Variants in SLC38A11 observed in about 807,000 individuals in gnomAD.
SLC38A11 encodes the protein solute carrier family 38 member 11.
A neutral mutation model predicts 49.4 loss-of-function variants in SLC38A11; 51 were observed. The observed-to-expected ratio is 1.03, with a 90% CI of 0.83 to 1.30. The LOEUF (loss-of-function observed/expected upper bound fraction) is 1.30, where lower values mean the gene tolerates loss of function less well. Among genes scored for constraint, SLC38A11 ranks in the 50% most tolerant of loss-of-function variants. The pLI, the probability that SLC38A11 is intolerant of heterozygous loss-of-function variation, is 0.00. For missense variants in SLC38A11, 574 were observed against 556.2 expected (o/e 1.03, Z -0.32); for synonymous variants, 203 against 192.9 (o/e 1.05, Z -0.43).
intron 9 of SLC38A11, among the ~76,000 whole-genome samples, chr2:164,913,423 A>T (rs1441533402): frequency 6.6e-6 from 1 of 152,104 alleles, no homozygotes; most frequent in African/African-American, 2.4e-5. Context: ...GCTGAAATTT[A>T]TCTACTGAAA....
At chr2:164,940,306 G>T (rs927884743) in intron 5 of SLC38A11, among the ~76,000 whole-genome samples, 1 of 149,074 alleles carries the variant, frequency 6.7e-6, no homozygotes, top group Non-Finnish European at 1.5e-5. Flanking sequence ...ATAAACAGAA[G>T]TTTTAAACAT....
At position 164,898,557 on chromosome 2, in the gene SLC38A11, G is replaced by A; in HGVS notation, c.1269C>T (p.Cys423=). 6.2e-7 allele frequency: 1 copy of A among 1,613,622 alleles called. No individual in the cohort carries two copies. Among genetic ancestry groups the A allele is most frequent in the Non-Finnish European group, 8.5e-7 (1 of 1,179,748 alleles). Residue 423 remains cysteine, a synonymous_variant, in exon 12 of 12, where the codon TGC becomes TGT. Coordinates refer to ENST00000685975, the MANE Select transcript of SLC38A11 (RefSeq NM_001351537.2). ...AGTAGAACATTTCCTGCCCATGGGTGCAGTCTTGAGTATTTGTAATAGCCA... is the reference window on the plus strand; with the variant it reads ...AGTAGAACATTTCCTGCCCATGGGTACAGTCTTGAGTATTTGTAATAGCCA... ...FVMAITNTQD[C]THGQEMFYCF... is the part of the protein sequence containing the mutation.
intron 11 of SLC38A11, among the ~76,000 whole-genome samples, chr2:164,904,229 T>C (rs1018032550): frequency 3.3e-5 from 5 of 152,130 alleles, no homozygotes; most frequent in Non-Finnish European, 7.4e-5. Context: ...TAGAAACCCA[T>C]AGGGCCCAAT....
chr2:164,902,244 C>T (rs565702820), intron 11 of SLC38A11, among the ~76,000 whole-genome samples: 1 of 152,124 alleles, frequency 6.6e-6, no homozygotes, highest in African/African-American at 2.4e-5. Flanking sequence ...TGGTCTCAAA[C>T]TCCTGAGCTC....
chr2:164,905,712 C>G (rs1362373063), intron 11 of SLC38A11, among the ~76,000 whole-genome samples: 1 of 152,012 alleles, frequency 6.6e-6, no homozygotes, highest in Non-Finnish European at 1.5e-5. Context: ...GCATAATTGT[C>G]TTGGGCTATT....
At chr2:164,938,102 A>T (rs936070340) in intron 6 of SLC38A11, among the ~76,000 whole-genome samples, 1 of 152,148 alleles carries the variant, frequency 6.6e-6, no homozygotes, top group Non-Finnish European at 1.5e-5. Context: ...TAATTTTTTT[A>T]AATGAAAAAG....
At chr2:164,947,343 G>C (rs1187585244) in intron 3 of SLC38A11, among the ~76,000 whole-genome samples, 1 of 151,938 alleles carries the variant, frequency 6.6e-6, no homozygotes, top group Non-Finnish European at 1.5e-5. Flanking sequence ...CGTTGGCCAA[G>C]ATGGTCTCGA....
chr2:164,910,543 T>G (rs1685330051), intron 10 of SLC38A11, among the ~76,000 whole-genome samples: 1 of 152,110 alleles, frequency 6.6e-6, no homozygotes, highest in Admixed American at 6.6e-5. Flanking sequence ...GGGAGAGAAG[T>G]GCTAGTTGTA....
intron 7 of SLC38A11, among the ~76,000 whole-genome samples, chr2:164,918,370 CA>C (rs1685949103): frequency 6.6e-6 from 1 of 151,896 alleles, no homozygotes; most frequent in African/African-American, 2.4e-5. Context: ...ACCACATTAA[CA>C]GATTAATGAA....
intron 3 of SLC38A11, among the ~76,000 whole-genome samples, chr2:164,946,040 A>G (rs1003451625): frequency 1.3e-5 from 2 of 152,190 alleles, no homozygotes; most frequent in African/African-American, 4.8e-5. Context: ...GATGTAACCA[A>G]TGCAGCAAAT....
At chr2:164,928,285 A>G (rs1035140627) in intron 7 of SLC38A11, among the ~76,000 whole-genome samples, 3 of 152,212 alleles carry the variant, frequency 2.0e-5, no homozygotes, top group Non-Finnish European at 4.4e-5. Context: ...TTTTACCAGC[A>G]TGAAAGTAGC....
rs371409052 is a variant in SLC38A11 at position 164,915,957 on chromosome 2, C to T, written c.634G>A (p.Ala212Thr). Reference protein sequence around the residue: ...LGPHIPKTEDAWVFAKPNAIQ... With the variant: ...LGPHIPKTEDTWVFAKPNAIQ... ...GCATTGGGCTTTGCAAATACCCAAG[C>T]GTCTTCTGTTTTTGGTCTAGAAGAA... Residue 212 changes from alanine (A) to threonine (T), a missense_variant, in exon 8 of 12, where the codon GCT (alanine) becomes ACT (threonine). Transcript: ENST00000685975. 3 of 1,592,268 alleles carry T rather than the reference C, an allele frequency of 1.9e-6. No homozygotes were observed. The highest frequency in any genetic ancestry group is 8.6e-7 in the Non-Finnish European group (1 of 1,163,888).
rs200284770 is a variant in SLC38A11, at chr2:164,947,117, C to CTTTTTTTTTTTTTTTTTTTTTTTTTTTTT, written c.230-1419_230-1391dup. 2.7e-5 allele frequency among the ~76,000 whole-genome samples: 2 copies of CTTTTTTTTTTTTTTTTTTTTTTTTTTTTT among 72,900 alleles called. 1 individual carries two copies. The highest frequency in any genetic ancestry group is 1.5e-4 in the African/African-American group (2 of 12,972). The allele number at this position is 72,900 out of a possible 152,430, so 47.8% of individuals were successfully genotyped here. On this transcript the variant is annotated intron_variant, in intron 3 of 11. Transcript: ENST00000685975. ...CCTGGATTCTTGGACTTTTTTATCTCTTTTTTTTTTTTTTTTTTTTTTTTT... is the reference window on the plus strand; with the variant it reads ...CCTGGATTCTTGGACTTTTTTATCTCTTTTTTTTTTTTTTTTTTTTTTTTTTTTTTTTTTTTTTTTTTTTTTTTTTTTTT...
intron 7 of SLC38A11, among the ~76,000 whole-genome samples, chr2:164,926,003 C>A (rs747996484): frequency 2.6e-5 from 4 of 152,164 alleles, no homozygotes; most frequent in African/African-American, 9.7e-5. Context: ...TCACTAAGTT[C>A]TCCTGATTTT....
Position 164,917,650 on chromosome 2 carries a change from A to T in SLC38A11, c.618-1677T>A, listed in dbSNP as rs562189715. On this transcript the variant is annotated intron_variant, in intron 7 of 11. Transcript: ENST00000685975. Reference sequence around the variant, plus strand: ...AGTTGTAGAAACTTGAGGATTCTCTAACTTTGCAATATGCTTTAAATGGTA... The same window carrying T: ...AGTTGTAGAAACTTGAGGATTCTCTTACTTTGCAATATGCTTTAAATGGTA... Among the ~76,000 whole-genome samples, 209 of 152,220 alleles carry T rather than the reference A, an allele frequency of 1.4e-3. 1 individual carries two copies. The highest frequency in any genetic ancestry group is 2.3e-3 in the Non-Finnish European group (156 of 68,044).
Position 164,932,752 on chromosome 2 carries a change from AAAG to A in SLC38A11, c.617+4595_617+4597del, listed in dbSNP as rs74764791. Among the ~76,000 whole-genome samples the A allele has an allele frequency of 7.2e-3, 1,092 of 152,102 alleles. 7 individuals are homozygous for A. The highest frequency in any genetic ancestry group is 9.4e-3 in the African/African-American group (392 of 41,538). ...CCTATCAGAGGGTGGAAGTTGGGAG[AAAG>A]AAGAAGATCAGGAAAGATAACTAAT... On this transcript the variant is annotated intron_variant, in intron 7 of 11. Transcript: ENST00000685975.
Position 164,898,297 on chromosome 2 carries a change from A to T in SLC38A11, c.*140T>A. ...TCAATTTTTCTTTTCTTTATCTTTT[A>T]TATTGCACTACTCATAAAAGCCAAG... On this transcript the variant is annotated 3_prime_UTR_variant, in exon 12 of 12. Coordinates refer to ENST00000685975, the MANE Select transcript of SLC38A11 (RefSeq NM_001351537.2). The T allele has an allele frequency of 1.6e-6, 1 of 630,736 alleles. No homozygotes were observed. Among genetic ancestry groups the T allele is most frequent in the Non-Finnish European group, 2.7e-6 (1 of 369,070 alleles). The allele number at this position is 630,736 out of a possible 1,614,324, so 39.1% of individuals were successfully genotyped here.
At chr2:164,944,768 A>T (rs1687995536) in intron 4 of SLC38A11, 134 bp from the exon 5 acceptor site, 2 of 371,270 alleles carry the variant, frequency 5.4e-6, no homozygotes, top group Non-Finnish European at 5.0e-6. Flanking sequence ...TATGATTACC[A>T]GTTTGGACAA....
chr2:164,908,813 C>T lies in SLC38A11; in HGVS notation c.964-42G>A, dbSNP rs747505962. 1.8e-5 allele frequency: 28 copies of T among 1,568,876 alleles called. No individual in the cohort carries two copies. In the Admixed American group the frequency reaches 3.8e-4, roughly 21 times the overall value. The stretch of plus-strand genomic sequence containing the variant: ...TTATTTTGAGAGGGACTTTTAAAGG[C>T]ATGCAGGATTTATTGAGGGAGTATT... On this transcript the variant is annotated intron_variant, in intron 10 of 11. Coordinates refer to ENST00000685975, the MANE Select transcript of SLC38A11 (RefSeq NM_001351537.2).
Sources: gnomAD v4.1 joint callset for allele counts (sites outside exome capture counted in the v4.1 genomes callset) on GRCh38, gnomAD v4.1.1 for gene constraint, MANE v1.5 for transcripts, NCBI Gene and HGNC (gene_info 2026-07-23, HGNC 2026-07-21) for gene names.